FNTA: variants seen among roughly 807,000 people sequenced by gnomAD.
FNTA encodes the protein farnesyltransferase, CAAX box, subunit alpha.
In FNTA, 27 loss-of-function variants were observed where a neutral mutation model predicts 55.2. That is an observed-to-expected ratio of 0.49 (90% confidence interval 0.36 to 0.67). The LOEUF is 0.67. FNTA is among the 30% of genes least tolerant of loss of function. FNTA has a pLI of 0.00. For synonymous variants in FNTA, 176 were observed against 170.7 expected, an observed-to-expected ratio of 1.03 and a Z score of -0.24; for missense variants, 422 against 464.7, an observed-to-expected ratio of 0.91 and a Z score of 0.85.
intron 2 of FNTA, among the ~76,000 whole-genome samples, chr8:43,061,296 A>G (rs934728241): frequency 1.3e-5 from 2 of 152,252 alleles, no homozygotes; most frequent in African/African-American, 4.8e-5. Flanking sequence ...TTAAAAGCAC[A>G]GACTTTGGAG....
At chr8:43,056,976 C>T (rs1414861615) in intron 1 of FNTA, 1 of 152,276 alleles carries the variant, frequency 6.6e-6, no homozygotes, top group Admixed American at 6.5e-5. Context: ...GATTTGCTCA[C>T]CCTAAAAACG....
chr8:43,058,064 G>A (rs899717407), intron 1 of FNTA, among the ~76,000 whole-genome samples: 1 of 152,062 alleles, frequency 6.6e-6, no homozygotes, highest in Non-Finnish European at 1.5e-5. Flanking sequence ...AGCACTCACT[G>A]TTGTCACTAT....
intron 6 of FNTA, chr8:43,078,362 T>A (rs939007332): frequency 6.6e-6 from 1 of 152,244 alleles, no homozygotes; most frequent in Non-Finnish European, 1.5e-5. Context: ...TTTGTTTTTT[T>A]TAACAAGTTG....
At chr8:43,069,095 T>C (rs1370768806) in intron 3 of FNTA, among the ~76,000 whole-genome samples, 1 of 152,068 alleles carries the variant, frequency 6.6e-6, no homozygotes, top group Admixed American at 6.6e-5. Context: ...TGTTAAATTA[T>C]ACAGAGTACC....
At position 43,084,869 on chromosome 8, in the gene FNTA, T is replaced by C. The variant is rs779599907; in HGVS notation, c.1005T>C (p.Asn335=). Residue 335 remains asparagine, a synonymous_variant, in exon 8 of 9, where the codon AAT becomes AAC. Coordinates refer to ENST00000302279, the MANE Select transcript of FNTA (RefSeq NM_002027.3). The part of the protein sequence containing the change: ...NQCDNKEDIL[N]KALELCEILA... ...GTGACAATAAGGAAGACATTCTTAA[T>C]AAAGCATTAGAGGTAAGCTGGTGGG... 2 of 1,613,756 alleles carry C rather than the reference T, an allele frequency of 1.2e-6. No individual in the cohort carries two copies. Among genetic ancestry groups the C allele is most frequent in the Non-Finnish European group, 1.7e-6 (2 of 1,179,938 alleles).
chr8:43,066,512 G>C (rs1004499677), intron 3 of FNTA, among the ~76,000 whole-genome samples: 1 of 151,748 alleles, frequency 6.6e-6, no homozygotes, highest in Non-Finnish European at 1.5e-5. Context: ...GCCCGCCTCG[G>C]CCTCCCAAAG....
chr8:43,075,672 C>T (rs910425285), intron 5 of FNTA, among the ~76,000 whole-genome samples: 4 of 152,000 alleles, frequency 2.6e-5, no homozygotes, highest in African/African-American at 4.8e-5. Flanking sequence ...AAAAATTAGC[C>T]GGTTATGTTG....
intron 3 of FNTA, among the ~76,000 whole-genome samples, chr8:43,067,917 T>C (rs1465422259): frequency 6.6e-6 from 1 of 152,156 alleles, no homozygotes; most frequent in African/African-American, 2.4e-5. Context: ...GTTTGTTTTT[T>C]GAGACGGAGT....
Position 43,085,364 on chromosome 8 carries a change from C to T in FNTA, c.*82C>T, listed in dbSNP as rs532370967. On this transcript the variant is annotated 3_prime_UTR_variant, in exon 9 of 9. Coordinates refer to ENST00000302279, the MANE Select transcript of FNTA (RefSeq NM_002027.3). ...GAGTTTCACACGAGAGTGGTCCTTC[C>T]CTTTGCCTGTGGTGTAAAAGTGCAT... 6.7e-6 allele frequency: 9 copies of T among 1,345,030 alleles called. No individual in the cohort carries two copies. In the South Asian group the frequency reaches 9.0e-5, roughly 13 times the overall value. 83.3% of individuals were successfully genotyped at this position (1,345,030 alleles called of 1,614,324 possible).
intron 4 of FNTA, among the ~76,000 whole-genome samples, 200 bp from the exon 5 acceptor site, chr8:43,071,981 A>G (rs1444836288): frequency 6.6e-6 from 1 of 152,228 alleles, no homozygotes; most frequent in Non-Finnish European, 1.5e-5. Flanking sequence ...AGATACTACC[A>G]GATGTAGTTT....
rs1244329457 is a variant in FNTA, at chr8:43,069,665, T to C, written c.506+6T>C. 2 of 1,584,042 alleles carry C rather than the reference T, an allele frequency of 1.3e-6. No individual in the cohort carries two copies. The highest frequency in any genetic ancestry group is 2.7e-5 in the African/African-American group (2 of 74,222). ...CCCAAAAACTATCAAGTTTGGTAAG[T>C]TTGGAGTCTAGCTGTGTCTCCCAGG... On this transcript the variant is annotated splice_donor_region_variant and intron_variant, in intron 4 of 8. Transcript: ENST00000302279.
At chr8:43,058,032 GTAGT>G (rs1401205717) in intron 1 of FNTA, among the ~76,000 whole-genome samples, 14 of 151,986 alleles carry the variant, frequency 9.2e-5, no homozygotes, top group Non-Finnish European at 1.5e-5. Flanking sequence ...CACTGGGTAG[GTAGT>G]TCACAGAAAT....
intron 4 of FNTA, among the ~76,000 whole-genome samples, chr8:43,071,661 T>A (rs1004042244): frequency 2.1e-5 from 3 of 139,782 alleles, no homozygotes; most frequent in Admixed American, 7.7e-5. Context: ...GACAATGCAC[T>A]CCAGCCTGGG....
rs4260929 is a variant in FNTA, at chr8:43,060,741, A to G, written c.286+1564A>G. Among the ~76,000 whole-genome samples, 23 of 152,272 alleles carry G rather than the reference A, an allele frequency of 1.5e-4. No homozygotes were observed. The East Asian group carries it at 4.4e-3, about 29-fold the overall frequency. ...ACACCATGGTTAGAAACCCTAAAGG[A>G]AAAGATAAGTTTGACCTGTCAACCG... On this transcript the variant is annotated intron_variant, in intron 2 of 8. Coordinates refer to ENST00000302279, the MANE Select transcript of FNTA (RefSeq NM_002027.3).
intron 2 of FNTA, among the ~76,000 whole-genome samples, chr8:43,060,675 CAAAAAA>C (rs202205706): frequency 7.1e-6 from 1 of 141,108 alleles, no homozygotes. Flanking sequence ...AACTCTGTCT[CAAAAAA>C]AAAAAAAAAA....
intron 7 of FNTA, among the ~76,000 whole-genome samples, chr8:43,084,454 T>TCAA (rs1811087030): frequency 6.6e-6 from 1 of 152,128 alleles, no homozygotes; most frequent in Non-Finnish European, 1.5e-5. Context: ...ACTCCTGGGT[T>TCAA]CAAGTGTTCC....
rs1389940990 is a variant in FNTA, at chr8:43,061,751, C to G, written c.287-2350C>G. The stretch of plus-strand genomic sequence containing the variant: ...TTTTTTTTTTTGAGATGGAGTTTCG[C>G]TCTTGTTGCCCAGGCTGGAGTGCAA... On this transcript the variant is annotated intron_variant, in intron 2 of 8. Transcript: ENST00000302279. Among the ~76,000 whole-genome samples, 4 of 151,734 alleles carry G rather than the reference C, an allele frequency of 2.6e-5. No individual in the cohort carries two copies. In the East Asian group the frequency reaches 7.7e-4, roughly 29 times the overall value.
intron 3 of FNTA, among the ~76,000 whole-genome samples, chr8:43,068,758 T>C (rs1266426178): frequency 6.6e-6 from 1 of 152,170 alleles, no homozygotes; most frequent in Non-Finnish European, 1.5e-5. Context: ...TGTTGCCCAG[T>C]CTGGAGTGCA....
At chr8:43,061,490 T>A (rs112337785) in intron 2 of FNTA, among the ~76,000 whole-genome samples, 37 of 152,362 alleles carry the variant, frequency 2.4e-4, no homozygotes, top group African/African-American at 8.9e-4. Context: ...GTAAGCACTA[T>A]ATATGTTAGC....
Sources: allele counts gnomAD v4.1 joint callset (sites outside exome capture counted in the v4.1 genomes callset), GRCh38; gene constraint gnomAD v4.1.1; transcripts MANE v1.5; gene names NCBI Gene and HGNC (gene_info 2026-07-23, HGNC 2026-07-21).